USP25: variants seen among roughly 807,000 people sequenced by gnomAD.
USP25 encodes the protein ubiquitin specific peptidase 25.
USP25 carries 85 observed loss-of-function variants against 158.5 expected under a neutral mutation model. The observed-to-expected ratio is 0.54, with a 90% CI of 0.45 to 0.64. The LOEUF is 0.64. Among genes scored for constraint, USP25 ranks in the 30% least tolerant of loss-of-function variants. The pLI, the probability that USP25 is intolerant of heterozygous loss-of-function variation, is 0.00. For missense variants in USP25, 1,242 were observed against 1,327.3 expected (o/e 0.94, Z 1.00); for synonymous variants, 464 against 460.4 (o/e 1.01, Z -0.10).
chr21:15,774,731 T>G (rs1388651107), intron 3 of USP25, among the ~76,000 whole-genome samples: 1 of 152,136 alleles, frequency 6.6e-6, no homozygotes, highest in East Asian at 1.9e-4. Flanking sequence ...AAAATTAGGT[T>G]TAATCTTTTC....
intron 20 of USP25, among the ~76,000 whole-genome samples, chr21:15,859,992 T>TATATATATATATATATATATA (rs1491579050): frequency 9.4e-5 from 8 of 84,808 alleles, no homozygotes; most frequent in African/African-American, 6.5e-4. Context: ...TATATCTATA[T>TATATATATATATATATATATA]TTTTTTTTTT....
intron 1 of USP25, among the ~76,000 whole-genome samples, chr21:15,756,243 G>A (rs1312449400): frequency 2.0e-5 from 3 of 152,060 alleles, no homozygotes; most frequent in Non-Finnish European, 4.4e-5. Context: ...CTGGATGAAC[G>A]TCCCTCAGTC....
intron 23 of USP25, among the ~76,000 whole-genome samples, chr21:15,872,583 G>A (rs559544978): frequency 2.2e-4 from 33 of 152,124 alleles, no homozygotes; most frequent in African/African-American, 7.2e-4. Flanking sequence ...CACTTCCTTC[G>A]TTTTTCATAA....
chr21:15,812,606 G>A (rs932856115), intron 9 of USP25, among the ~76,000 whole-genome samples: 1 of 151,716 alleles, frequency 6.6e-6, no homozygotes, highest in Non-Finnish European at 1.5e-5. Flanking sequence ...AGCTGAGATC[G>A]GGCCACTGCA....
intron 10 of USP25, 48 bp downstream of exon 10, chr21:15,818,894 A>G: frequency 6.3e-7 from 1 of 1,591,018 alleles, no homozygotes; most frequent in African/African-American, 1.3e-5. Context: ...GGTCTTTCTT[A>G]CAATGCTATA....
intron 17 of USP25, among the ~76,000 whole-genome samples, chr21:15,840,204 G>A (rs1481041969): frequency 6.6e-6 from 1 of 152,020 alleles, no homozygotes; most frequent in Non-Finnish European, 1.5e-5. Context: ...ACTCATCTAA[G>A]TTAGCACCTC....
At position 15,868,540 on chromosome 21, in the gene USP25, A is replaced by G. The variant is rs567009158; in HGVS notation, c.2806-1528A>G. 1.1e-4 allele frequency among the ~76,000 whole-genome samples: 17 copies of G among 152,266 alleles called. No homozygotes were observed. The South Asian group carries it at 2.5e-3, about 22-fold the overall frequency. On this transcript the variant is annotated intron_variant, in intron 22 of 25. Transcript: ENST00000400183. ...ATTCTAACTGCAGGGCTGTTAAATC[A>G]TACAAGTATTTAAATGACTTGTTTT...
intron 4 of USP25, among the ~76,000 whole-genome samples, chr21:15,788,921 T>C (rs1259706300): frequency 6.6e-6 from 1 of 152,130 alleles, no homozygotes; most frequent in Admixed American, 6.5e-5. Flanking sequence ...TTAATCAAAG[T>C]TGTTACACTT....
chr21:15,877,766 A>C (rs923032022), intron 24 of USP25, 30 bp from the exon 25 acceptor site: 4 of 1,503,484 alleles, frequency 2.7e-6, no homozygotes, highest in Non-Finnish European at 3.6e-6. Flanking sequence ...ACAAAAACCT[A>C]TTCTTTTTTT....
chr21:15,800,697 G>A (rs572252342), intron 6 of USP25, among the ~76,000 whole-genome samples: 4 of 151,596 alleles, frequency 2.6e-5, no homozygotes, highest in East Asian at 3.9e-4. Flanking sequence ...TATTGCCAAG[G>A]CAAGGGAGTT....
At chr21:15,745,935 A>G (rs936879348) in intron 1 of USP25, among the ~76,000 whole-genome samples, 2 of 152,238 alleles carry the variant, frequency 1.3e-5, no homozygotes, top group Non-Finnish European at 2.9e-5. Context: ...TGTGGAATCT[A>G]GTCCCAGCAC....
At chr21:15,814,895 A>G (rs1361274984) in intron 9 of USP25, among the ~76,000 whole-genome samples, 1 of 152,194 alleles carries the variant, frequency 6.6e-6, no homozygotes, top group Non-Finnish European at 1.5e-5. Context: ...CAAGGAGCCA[A>G]ATGTTAATCC....
At chr21:15,774,943 G>A (rs551185420) in intron 3 of USP25, among the ~76,000 whole-genome samples, 22 of 152,140 alleles carry the variant, frequency 1.4e-4, no homozygotes, top group Non-Finnish European at 2.6e-4. Context: ...TATCTGAGTA[G>A]TATTATTTTT....
intron 1 of USP25, among the ~76,000 whole-genome samples, chr21:15,753,684 T>A (rs1005134634): frequency 8.6e-5 from 13 of 151,354 alleles, no homozygotes; most frequent in Non-Finnish European, 1.8e-4. Flanking sequence ...TATGTATGCT[T>A]CTCGTTCCTG....
rs1012192596 is a variant in USP25 at position 15,856,980 on chromosome 21, T to C, written c.2547+7108T>C. On this transcript the variant is annotated intron_variant, in intron 20 of 25. Transcript: ENST00000400183. ...CATTTCCACCCACCATAGAGGCTGA[T>C]GGGAGCAGTATGTCAGCACACTGAT... is the stretch of plus-strand genomic sequence containing the variant. Among the ~76,000 whole-genome samples, 5 of 152,190 alleles carry C rather than the reference T, an allele frequency of 3.3e-5. 1 individual carries two copies. The highest frequency in any genetic ancestry group is 7.2e-5 in the African/African-American group (3 of 41,448).
intron 7 of USP25, 60 bp downstream of exon 7, chr21:15,805,318 G>C: frequency 7.1e-7 from 1 of 1,411,116 alleles, no homozygotes; most frequent in Non-Finnish European, 9.3e-7. Flanking sequence ...ACAATATTAA[G>C]CACCTTTCCC....
At chr21:15,857,452 A>C (rs950153819) in intron 20 of USP25, among the ~76,000 whole-genome samples, 1 of 151,736 alleles carries the variant, frequency 6.6e-6, no homozygotes, top group Non-Finnish European at 1.5e-5. Context: ...ATATTTGCCT[A>C]AAAAAAGACA....
chr21:15,791,486 T>C lies in USP25; in HGVS notation c.393-16T>C, dbSNP rs971190408. On this transcript the variant is annotated splice_polypyrimidine_tract_variant and intron_variant, in intron 4 of 25. Coordinates refer to ENST00000400183, the MANE Select transcript of USP25 (RefSeq NM_001283041.3). ...ACCATTATATAATGCTGCATTTTTT[T>C]CCACCATTGATTAAGAGTTCTTGAA... 64 of 1,590,482 alleles carry C rather than the reference T, an allele frequency of 4.0e-5. No homozygotes were observed. Among genetic ancestry groups the C allele is most frequent in the Non-Finnish European group, 5.4e-5 (63 of 1,169,338 alleles).
chr21:15,787,555 G>A (rs576701553), intron 4 of USP25, among the ~76,000 whole-genome samples: 1 of 152,160 alleles, frequency 6.6e-6, no homozygotes, highest in South Asian at 2.1e-4. Flanking sequence ...ACACATTAAA[G>A]AATACATAAA....
Sources: allele counts gnomAD v4.1 joint callset (sites outside exome capture counted in the v4.1 genomes callset), GRCh38; gene constraint gnomAD v4.1.1; transcripts MANE v1.5; gene names NCBI Gene and HGNC (gene_info 2026-07-23, HGNC 2026-07-21).